Variants in RBFOX1 observed in about 807,000 individuals in gnomAD.
The protein encoded by RBFOX1 is RNA binding fox-1 homolog 1, also known as RNA binding protein fox-1 homolog 1.
Under a neutral mutation model 57.7 loss-of-function variants are expected in RBFOX1, and 8 were observed. That is an observed-to-expected ratio of 0.14 (90% CI 0.08 to 0.25). RBFOX1 has a LOEUF of 0.25. Among genes scored for constraint, RBFOX1 ranks in the 10% least tolerant of loss-of-function variants. The probability of loss-of-function intolerance (pLI) is 1.00; values close to 1 mark genes in which losing one functional copy is unlikely to be tolerated. For synonymous variants in RBFOX1, 326 were observed against 222.4 expected (o/e 1.47, Z -4.15); for missense variants, 611 against 548.5 (o/e 1.11, Z -1.14).
intron 2 of RBFOX1, among the ~76,000 whole-genome samples, chr16:6,627,142 C>T (rs967508404): frequency 1.6e-4 from 25 of 152,184 alleles, no homozygotes; most frequent in African/African-American, 5.8e-4. Flanking sequence ...AATTAGCATT[C>T]TGTCATCCAA....
At chr16:6,015,676 A>G (rs140619461), upstream of RBFOX1, among the ~76,000 whole-genome samples, 16 of 152,290 alleles carry the variant, frequency 1.1e-4, no homozygotes, top group East Asian at 1.4e-3. Context: ...CATAAGCTGT[A>G]TTCTCCTTCG....
At chr16:5,625,964 C>T (rs2048338043) in intron 3 of RBFOX1, among the ~76,000 whole-genome samples, 1 of 152,192 alleles carries the variant, frequency 6.6e-6, no homozygotes, top group South Asian at 2.1e-4. Flanking sequence ...GCACCCTCCG[C>T]CTCCTGGGTT....
rs531112230 is a variant in RBFOX1 at position 6,667,671 on chromosome 16, G to T, written c.-16+13021G>T. Among the ~76,000 whole-genome samples the T allele has an allele frequency of 2.0e-5, 3 of 152,104 alleles. No homozygotes were observed. In the East Asian group the frequency reaches 5.8e-4, roughly 29 times the overall value. ...ACAAGTGGGAGGATTACTTGAGCTCGGGAGTTTGAGATGAGCCTAGGCAAC... is the reference window on the plus strand; with the variant it reads ...ACAAGTGGGAGGATTACTTGAGCTCTGGAGTTTGAGATGAGCCTAGGCAAC... On this transcript the variant is annotated intron_variant, in intron 3 of 15. Coordinates refer to ENST00000550418, the MANE Select transcript of RBFOX1 (RefSeq NM_018723.4).
intron 3 of RBFOX1, among the ~76,000 whole-genome samples, chr16:6,712,158 C>G (rs1603450703): frequency 6.6e-6 from 1 of 152,140 alleles, no homozygotes. Flanking sequence ...TGTAGAGGTG[C>G]TCAATGAACA....
chr16:6,828,890 A>G (rs1489472389), intron 3 of RBFOX1, among the ~76,000 whole-genome samples: 2 of 152,160 alleles, frequency 1.3e-5, no homozygotes, highest in Non-Finnish European at 2.9e-5. Context: ...AGAAACACAT[A>G]AAGGTAGCAG....
chr16:6,513,688 C>G (rs1284498125), intron 2 of RBFOX1, among the ~76,000 whole-genome samples: 1 of 152,182 alleles, frequency 6.6e-6, no homozygotes, highest in South Asian at 2.1e-4. Flanking sequence ...GAGCCGAAAT[C>G]GCACCATTGC....
intron 2 of RBFOX1, among the ~76,000 whole-genome samples, chr16:6,631,822 C>A (rs1406628070): frequency 6.6e-6 from 1 of 151,776 alleles, no homozygotes; most frequent in Non-Finnish European, 1.5e-5. Flanking sequence ...GGGGGTAGAG[C>A]GGGTGCATGC....
intron 3 of RBFOX1, among the ~76,000 whole-genome samples, chr16:6,883,677 C>G (rs1244903486): frequency 6.6e-6 from 1 of 152,162 alleles, no homozygotes; most frequent in Non-Finnish European, 1.5e-5. Flanking sequence ...AACCTTGCCT[C>G]CCACATCCAG....
chr16:7,636,263 C>T (rs1163148087), intron 11 of RBFOX1, among the ~76,000 whole-genome samples: 1 of 152,222 alleles, frequency 6.6e-6, no homozygotes. Context: ...CCATGTTTTG[C>T]TCTATTTTGC....
intron 4 of RBFOX1, among the ~76,000 whole-genome samples, chr16:7,326,820 C>G (rs2096617866): frequency 6.6e-6 from 1 of 152,078 alleles, no homozygotes; most frequent in African/African-American, 2.4e-5. Context: ...CCTCAGGTCA[C>G]TTGTGATGAC....
At chr16:7,457,062 T>C (rs1486586663) in intron 4 of RBFOX1, among the ~76,000 whole-genome samples, 1 of 151,986 alleles carries the variant, frequency 6.6e-6, no homozygotes, top group Admixed American at 6.6e-5. Context: ...TAATTTTGTA[T>C]TTTTAGTAGA....
intron 2 of RBFOX1, among the ~76,000 whole-genome samples, chr16:6,573,368 T>C (rs1159692949): frequency 6.6e-6 from 1 of 152,092 alleles, no homozygotes; most frequent in African/African-American, 2.4e-5. Context: ...TTCTCTCAGC[T>C]CTAAGAAATT....
At chr16:5,335,828 A>G (rs2064881611) in intron 1 of RBFOX1, among the ~76,000 whole-genome samples, 1 of 152,076 alleles carries the variant, frequency 6.6e-6, no homozygotes, top group Admixed American at 6.6e-5. Context: ...AAGTGAATGG[A>G]TCCTATCAAA....
intron 1 of RBFOX1, among the ~76,000 whole-genome samples, chr16:5,329,681 T>C (rs1454243328): frequency 6.6e-6 from 1 of 152,206 alleles, no homozygotes; most frequent in East Asian, 1.9e-4. Flanking sequence ...ATTTCTCAGT[T>C]CTGGCAGCTG....
chr16:5,661,433 C>G (rs771414374), intron 3 of RBFOX1, among the ~76,000 whole-genome samples: 1 of 152,148 alleles, frequency 6.6e-6, no homozygotes, highest in Non-Finnish European at 1.5e-5. Flanking sequence ...CCTGCATCTC[C>G]TCAGGATAAG....
intron 3 of RBFOX1, among the ~76,000 whole-genome samples, chr16:6,676,337 T>A (rs77599222): frequency 2.6e-5 from 4 of 152,074 alleles, no homozygotes; most frequent in African/African-American, 4.8e-5. Context: ...CCAGTCAATT[T>A]TGGGGAGTCA....
chr16:5,753,840 G>A (rs568059365), intron 3 of RBFOX1, among the ~76,000 whole-genome samples: 2 of 151,122 alleles, frequency 1.3e-5, no homozygotes, highest in Non-Finnish European at 2.9e-5. Context: ...CTGTGTTGAG[G>A]ATATAGAGTT....
At chr16:6,024,355 G>C (rs1329156587) in intron 1 of RBFOX1, among the ~76,000 whole-genome samples, 4 of 152,048 alleles carry the variant, frequency 2.6e-5, no homozygotes, top group African/African-American at 7.3e-5. Flanking sequence ...TAATGAAAAG[G>C]GTTCCAAAAA....
intron 3 of RBFOX1, among the ~76,000 whole-genome samples, chr16:7,033,962 C>A (rs535643119): frequency 6.6e-6 from 1 of 152,190 alleles, no homozygotes; most frequent in Non-Finnish European, 1.5e-5. Context: ...AAGCAAGACC[C>A]TGTCTAAAAT....
Sources: gnomAD v4.1 joint callset for allele counts (sites outside exome capture counted in the v4.1 genomes callset) on GRCh38, gnomAD v4.1.1 for gene constraint, MANE v1.5 for transcripts, NCBI Gene and HGNC (gene_info 2026-07-23, HGNC 2026-07-21) for gene names.